CSE1L: variants seen among roughly 807,000 people sequenced by gnomAD.
CSE1L encodes exportin-2.
Under a neutral mutation model 120.4 loss-of-function variants are expected in CSE1L, and 24 were observed. That is an observed-to-expected ratio of 0.20 (90% CI 0.14 to 0.28). The LOEUF is 0.28. CSE1L is among the 10% of genes least tolerant of loss of function. CSE1L has a pLI of 1.00. For missense variants in CSE1L, 830 were observed against 1,145.2 expected, an observed-to-expected ratio of 0.72 and a Z score of 3.97; for synonymous variants, 402 against 398.3, an observed-to-expected ratio of 1.01 and a Z score of -0.11.
chr20:49,058,328 C>G (rs767704592), intron 1 of CSE1L, 125 bp from the exon 2 acceptor site: 2 of 538,224 alleles, frequency 3.7e-6, no homozygotes, highest in Non-Finnish European at 6.4e-6. Flanking sequence ...GGTTTACTGC[C>G]CATATAAAAA....
At chr20:49,090,572 T>G (rs906222614) in intron 19 of CSE1L, among the ~76,000 whole-genome samples, 170 bp from the exon 20 acceptor site, 8 of 151,982 alleles carry the variant, frequency 5.3e-5, no homozygotes, top group Admixed American at 5.2e-4. Flanking sequence ...AAAAAAAAAT[T>G]ACTTTAATGG....
At chr20:49,086,928 A>G (rs1189366151) in intron 16 of CSE1L, among the ~76,000 whole-genome samples, 1 of 152,158 alleles carries the variant, frequency 6.6e-6, no homozygotes, top group East Asian at 1.9e-4. Context: ...ATAGGTAGCA[A>G]TCTGTTGAAG....
intron 8 of CSE1L, among the ~76,000 whole-genome samples, chr20:49,070,633 T>C (rs567262367): frequency 3.9e-5 from 6 of 152,308 alleles, no homozygotes; most frequent in African/African-American, 1.4e-4. Flanking sequence ...TGGTAGCCCC[T>C]TTTTAAAAAT....
intron 22 of CSE1L, among the ~76,000 whole-genome samples, chr20:49,093,372 C>T (rs1460019993): frequency 2.6e-5 from 4 of 151,940 alleles, no homozygotes; most frequent in Non-Finnish European, 4.4e-5. Context: ...TTTAGAATTA[C>T]GGAAAACTTC....
Position 49,075,315 on chromosome 20 carries a change from T to C in CSE1L, c.1133-3T>C. On this transcript the variant is annotated splice_polypyrimidine_tract_variant and splice_region_variant and intron_variant, in intron 11 of 24. Transcript: ENST00000262982. Reference sequence around the variant, plus strand: ...CATAATATATTTTCTTTTCATTTCATAGATATTGATACTAGACGCAGGGCT... The same window carrying C: ...CATAATATATTTTCTTTTCATTTCACAGATATTGATACTAGACGCAGGGCT... 1 of 1,609,524 alleles carries C rather than the reference T, an allele frequency of 6.2e-7. No homozygotes were observed. The highest frequency in any genetic ancestry group is 8.5e-7 in the Non-Finnish European group (1 of 1,177,284).
intron 14 of CSE1L, among the ~76,000 whole-genome samples, chr20:49,079,123 C>G (rs1002987188): frequency 6.6e-6 from 1 of 152,176 alleles, no homozygotes; most frequent in East Asian, 1.9e-4. Context: ...AAACTCCTGA[C>G]CTCAGGTGAT....
intron 1 of CSE1L, among the ~76,000 whole-genome samples, chr20:49,056,395 C>G (rs141334518): frequency 6.6e-6 from 1 of 152,092 alleles, no homozygotes; most frequent in South Asian, 2.1e-4. Flanking sequence ...TGAGCAACCG[C>G]GCCCAGCCTA....
chr20:49,052,584 A>C (rs760224691), intron 1 of CSE1L, among the ~76,000 whole-genome samples: 2 of 151,974 alleles, frequency 1.3e-5, no homozygotes, highest in African/African-American at 2.4e-5. Context: ...TAGATACCAG[A>C]TTGCTTAGAC....
At chr20:49,083,797 G>A (rs2092032245) in intron 14 of CSE1L, among the ~76,000 whole-genome samples, 1 of 152,158 alleles carries the variant, frequency 6.6e-6, no homozygotes, top group African/African-American at 2.4e-5. Flanking sequence ...TTATCTGCAA[G>A]ATGTTATCCT....
chr20:49,078,882 A>T (rs908734981), intron 14 of CSE1L, among the ~76,000 whole-genome samples: 1 of 152,202 alleles, frequency 6.6e-6, no homozygotes, highest in African/African-American at 2.4e-5. Context: ...TTTACAATAG[A>T]GAGGTCCTTC....
chr20:49,054,187 T>C (rs1466402096), intron 1 of CSE1L, among the ~76,000 whole-genome samples: 1 of 152,228 alleles, frequency 6.6e-6, no homozygotes, highest in Admixed American at 6.5e-5. Flanking sequence ...AGGTAGGTGG[T>C]GGGATCTACT....
intron 13 of CSE1L, 78 bp from the exon 14 acceptor site, chr20:49,078,483 A>G (rs981616764): frequency 4.4e-6 from 4 of 911,226 alleles, no homozygotes; most frequent in Admixed American, 5.5e-5. Flanking sequence ...CTTTTTTTAT[A>G]ACTCTGATGA....
intron 15 of CSE1L, 126 bp downstream of exon 15, chr20:49,084,288 C>A (rs1600541919): frequency 3.0e-6 from 3 of 984,480 alleles, no homozygotes; most frequent in Non-Finnish European, 2.9e-6. Context: ...TTCCTTTATA[C>A]TCTGTTTCAT....
Position 49,090,944 on chromosome 20 carries a change from G to A in CSE1L, c.2287G>A (p.Val763Ile), listed in dbSNP as rs1370482179. 4 of 1,607,526 alleles carry A rather than the reference G, an allele frequency of 2.5e-6. No individual in the cohort carries two copies. The highest frequency in any genetic ancestry group is 2.6e-6 in the Non-Finnish European group (3 of 1,176,116). The change falls in exon 21 of 25, where the codon GTT (valine) becomes ATT (isoleucine). Residue 763 changes from valine to isoleucine, a missense_variant. Transcript: ENST00000262982. ...TTTTTTTTAATTCTTTAGTGAATCA[G>A]TTGACCAATATAGGAAACAAATCTT... is the stretch of plus-strand genomic sequence containing the variant. ...SIIEHMPPES[V>I]DQYRKQIFIL...
chr20:49,094,063 G>T, intron 22 of CSE1L, 77 bp from the exon 23 acceptor site: 1 of 873,220 alleles, frequency 1.1e-6, no homozygotes, highest in Non-Finnish European at 1.7e-6. Context: ...TTCATAAGAA[G>T]TAACTAACAT....
At chr20:49,091,093 T>C (rs1193787178) in intron 21 of CSE1L, 71 bp downstream of exon 21, 15 of 1,033,356 alleles carry the variant, frequency 1.5e-5, no homozygotes, top group Middle Eastern at 3.0e-4. Context: ...GACTTTATGG[T>C]TGCAGATACA....
chr20:49,061,166 A>AT (rs2091849461), intron 2 of CSE1L, among the ~76,000 whole-genome samples: 1 of 142,512 alleles, frequency 7.0e-6, no homozygotes, highest in Non-Finnish European at 1.5e-5. Flanking sequence ...CACTATTAAA[A>AT]ATTTTTTTTT....
At chr20:49,061,598 G>A (rs2091853974) in intron 2 of CSE1L, among the ~76,000 whole-genome samples, 1 of 151,334 alleles carries the variant, frequency 6.6e-6, no homozygotes, top group African/African-American at 2.4e-5. Flanking sequence ...CACCTCCCGG[G>A]TTCACCCCAT....
intron 2 of CSE1L, among the ~76,000 whole-genome samples, chr20:49,059,945 G>T (rs2091838999): frequency 6.6e-6 from 1 of 152,044 alleles, no homozygotes; most frequent in Non-Finnish European, 1.5e-5. Context: ...AGTAATTTGG[G>T]AGGCCAAGGC....
Sources: allele counts gnomAD v4.1 joint callset (sites outside exome capture counted in the v4.1 genomes callset), GRCh38; gene constraint gnomAD v4.1.1; transcripts MANE v1.5; gene names NCBI Gene and HGNC (gene_info 2026-07-23, HGNC 2026-07-21).